WWOX: variants seen among roughly 807,000 people sequenced by gnomAD.
WWOX encodes WW domain containing oxidoreductase.
Under a neutral mutation model 46.2 loss-of-function variants are expected in WWOX, and 69 were observed. That is an observed-to-expected ratio of 1.49 (90% CI 1.23 to 1.82). WWOX has a LOEUF of 1.82. WWOX is among the 40% of genes most tolerant of loss of function. The probability of loss-of-function intolerance (pLI) is 0.00; values close to 1 mark genes in which losing one functional copy is unlikely to be tolerated. For synonymous variants in WWOX, 359 were observed against 202.6 expected, an observed-to-expected ratio of 1.77 and a Z score of -6.56; for missense variants, 919 against 542.6, an observed-to-expected ratio of 1.69 and a Z score of -6.89.
chr16:79,210,332 G>C (rs558525515), intron 8 of WWOX, among the ~76,000 whole-genome samples: 1 of 152,288 alleles, frequency 6.6e-6, no homozygotes, highest in Admixed American at 6.5e-5. Context: ...GTATGGACCT[G>C]ACTCTCCCAG....
chr16:78,850,620 C>T (rs749040264), intron 8 of WWOX, among the ~76,000 whole-genome samples: 4 of 152,124 alleles, frequency 2.6e-5, no homozygotes, highest in Non-Finnish European at 4.4e-5. Flanking sequence ...TCATATTTAC[C>T]ATCACCATCC....
intron 8 of WWOX, among the ~76,000 whole-genome samples, chr16:78,590,869 C>G (rs1292743352): frequency 6.6e-6 from 1 of 152,100 alleles, no homozygotes; most frequent in African/African-American, 2.4e-5. Context: ...AGCTCAGACT[C>G]CAGCGTTTAG....
At chr16:79,010,514 T>G (rs1332446123) in intron 8 of WWOX, among the ~76,000 whole-genome samples, 2 of 152,094 alleles carry the variant, frequency 1.3e-5, no homozygotes, top group Admixed American at 6.5e-5. Context: ...CCCCAGGGAA[T>G]AAGCCAGATT....
chr16:78,321,386 A>C (rs535753923), intron 5 of WWOX, among the ~76,000 whole-genome samples: 1 of 98,968 alleles, frequency 1.0e-5, no homozygotes, highest in Non-Finnish European at 1.9e-5. Context: ...ATATGCGTAT[A>C]TATATACGTA....
At chr16:78,958,097 A>G (rs149399145) in intron 8 of WWOX, among the ~76,000 whole-genome samples, 107 of 152,306 alleles carry the variant, frequency 7.0e-4, no homozygotes, top group African/African-American at 2.4e-3. Context: ...GAGCCTTCAT[A>G]TTCTCCGATA....
intron 8 of WWOX, among the ~76,000 whole-genome samples, chr16:79,015,622 T>C (rs2151380165): frequency 6.6e-6 from 1 of 152,348 alleles, no homozygotes; most frequent in East Asian, 1.9e-4. Context: ...CAACCAGAGT[T>C]GGAAGCACAC....
intron 5 of WWOX, among the ~76,000 whole-genome samples, chr16:78,282,379 T>C (rs957533895): frequency 4.6e-5 from 7 of 152,188 alleles, no homozygotes; most frequent in Admixed American, 3.3e-4. Context: ...AAAAGGAGCC[T>C]GTTGGATGGT....
intron 8 of WWOX, among the ~76,000 whole-genome samples, chr16:79,075,519 A>C (rs540514497): frequency 6.6e-6 from 1 of 150,860 alleles, no homozygotes; most frequent in East Asian, 2.0e-4. Flanking sequence ...GTATAATAAC[A>C]ACCTCTGGCG....
intron 8 of WWOX, among the ~76,000 whole-genome samples, chr16:78,844,065 G>T (rs1160219061): frequency 1.3e-5 from 2 of 152,160 alleles, no homozygotes; most frequent in South Asian, 2.1e-4. Flanking sequence ...AAATAAGCTG[G>T]TGCGTTATTT....
chr16:78,369,732 A>T (rs377761165), intron 5 of WWOX, among the ~76,000 whole-genome samples: 7 of 151,886 alleles, frequency 4.6e-5, no homozygotes, highest in Non-Finnish European at 1.0e-4. Flanking sequence ...ATTAAACCCA[A>T]TTGTTAAAAT....
intron 8 of WWOX, among the ~76,000 whole-genome samples, chr16:79,081,778 C>T (rs1436920491): frequency 1.3e-5 from 2 of 152,084 alleles, no homozygotes; most frequent in Non-Finnish European, 2.9e-5. Flanking sequence ...CTGGATGCTC[C>T]TGCCTGGCTG....
intron 5 of WWOX, chr16:78,237,749 T>C (rs1002756295): frequency 7.9e-5 from 12 of 152,268 alleles, no homozygotes; most frequent in Non-Finnish European, 1.8e-4. Context: ...AATTCTGATT[T>C]CAGTGTCATA....
At chr16:78,405,821 T>G (rs2082515964) in intron 6 of WWOX, among the ~76,000 whole-genome samples, 1 of 152,152 alleles carries the variant, frequency 6.6e-6, no homozygotes, top group Non-Finnish European at 1.5e-5. Flanking sequence ...CAGCTGTGGC[T>G]CAGAGGGGTT....
chr16:78,929,566 C>T (rs780794963), intron 8 of WWOX, among the ~76,000 whole-genome samples: 1 of 152,128 alleles, frequency 6.6e-6, no homozygotes, highest in Non-Finnish European at 1.5e-5. Context: ...AGTCATTCTC[C>T]TCCCCAAATA....
intron 8 of WWOX, among the ~76,000 whole-genome samples, chr16:78,486,826 C>T (rs1455243226): frequency 6.6e-6 from 1 of 152,208 alleles, no homozygotes; most frequent in Admixed American, 6.5e-5. Context: ...CTCGCCTCGG[C>T]CTCCCAAAGT....
intron 8 of WWOX, among the ~76,000 whole-genome samples, chr16:78,646,027 G>A (rs2046832156): frequency 6.6e-6 from 1 of 151,550 alleles, no homozygotes; most frequent in Non-Finnish European, 1.5e-5. Context: ...AGGTTTATTT[G>A]TGACCTTTTA....
At chr16:79,150,414 G>T (rs2050256443) in intron 8 of WWOX, among the ~76,000 whole-genome samples, 1 of 152,158 alleles carries the variant, frequency 6.6e-6, no homozygotes, top group East Asian at 1.9e-4. Flanking sequence ...CAACTACCAG[G>T]TAGGTAGAAT....
chr16:78,539,770 A>G (rs2151524679), intron 8 of WWOX, among the ~76,000 whole-genome samples: 1 of 152,292 alleles, frequency 6.6e-6, no homozygotes. Flanking sequence ...GATGCAATAG[A>G]TAATCTAACA....
At chr16:78,323,612 T>C (rs936235568) in intron 5 of WWOX, among the ~76,000 whole-genome samples, 14 of 152,136 alleles carry the variant, frequency 9.2e-5, no homozygotes, top group Non-Finnish European at 1.8e-4. Flanking sequence ...TCATGCCCAC[T>C]ATTTGGTTGT....
Sources: allele counts gnomAD v4.1 joint callset (sites outside exome capture counted in the v4.1 genomes callset), GRCh38; gene constraint gnomAD v4.1.1; transcripts MANE v1.5; gene names NCBI Gene and HGNC (gene_info 2026-07-23, HGNC 2026-07-21).